CECR2: variants seen among roughly 807,000 people sequenced by gnomAD.
The protein encoded by CECR2 is chromatin remodeling regulator CECR2.
Under a neutral mutation model 154.5 loss-of-function variants are expected in CECR2, and 30 were observed. The observed-to-expected ratio is 0.19, with a 90% CI of 0.15 to 0.26. The LOEUF (loss-of-function observed/expected upper bound fraction) is 0.26. CECR2 is among the 10% of genes least tolerant of loss of function. CECR2 has a pLI of 1.00. For synonymous variants in CECR2, 725 were observed against 683.7 expected (o/e 1.06, Z -0.94); for missense variants, 1,743 against 1,829.3 (o/e 0.95, Z 0.86).
chr22:17,453,782 C>T (rs909676301), intron 1 of CECR2, among the ~76,000 whole-genome samples: 4 of 152,140 alleles, frequency 2.6e-5, no homozygotes, highest in Admixed American at 6.5e-5. Context: ...GAGTGAAGGT[C>T]ATGTAAGAGT....
chr22:17,376,664 A>C (rs979954689), intron 1 of CECR2, among the ~76,000 whole-genome samples: 13 of 140,692 alleles, frequency 9.2e-5, no homozygotes, highest in South Asian at 2.2e-4. Context: ...TTTGAGATGG[A>C]GTCTTGCTTT....
At chr22:17,463,771 A>C (rs2054981794) in intron 1 of CECR2, among the ~76,000 whole-genome samples, 1 of 152,102 alleles carries the variant, frequency 6.6e-6, no homozygotes, top group African/African-American at 2.4e-5. Flanking sequence ...AATGAGAGCC[A>C]GCCTAATCGA....
At chr22:17,371,174 T>C (rs1047857739) in intron 1 of CECR2, among the ~76,000 whole-genome samples, 3 of 152,166 alleles carry the variant, frequency 2.0e-5, no homozygotes, top group African/African-American at 7.2e-5. Flanking sequence ...CTTCTGTGAA[T>C]GAAGTGTGGG....
intron 1 of CECR2, among the ~76,000 whole-genome samples, chr22:17,418,042 A>G (rs2054181362): frequency 6.6e-6 from 1 of 152,240 alleles, no homozygotes; most frequent in Non-Finnish European, 1.5e-5. Flanking sequence ...AATTAATTAC[A>G]CAGATTGTAA....
intron 1 of CECR2, chr22:17,477,028 C>T (rs368565844): frequency 2.2e-5 from 15 of 689,418 alleles, no homozygotes; most frequent in African/African-American, 8.8e-5. Flanking sequence ...CCTTGGATCT[C>T]GCAATCACCT....
At chr22:17,413,052 C>T (rs1255597079) in intron 1 of CECR2, among the ~76,000 whole-genome samples, 1 of 152,132 alleles carries the variant, frequency 6.6e-6, no homozygotes, top group Non-Finnish European at 1.5e-5. Flanking sequence ...TCTCTTGGGG[C>T]GCACATGCCT....
At chr22:17,512,865 G>A (rs2055984679) in intron 8 of CECR2, among the ~76,000 whole-genome samples, 1 of 152,112 alleles carries the variant, frequency 6.6e-6, no homozygotes, top group Non-Finnish European at 1.5e-5. Context: ...AAATTCTTAG[G>A]TGTCAAGACC....
At chr22:17,395,438 G>A (rs1013254051) in intron 1 of CECR2, among the ~76,000 whole-genome samples, 3 of 151,930 alleles carry the variant, frequency 2.0e-5, no homozygotes, top group African/African-American at 7.3e-5. Flanking sequence ...TCCACCTCTT[G>A]AGTTCAAGTG....
intron 1 of CECR2, among the ~76,000 whole-genome samples, chr22:17,393,978 C>T (rs2053768827): frequency 6.7e-6 from 1 of 150,354 alleles, no homozygotes; most frequent in Non-Finnish European, 1.5e-5. Context: ...ACCTCTGCCT[C>T]CCGGGTTCAA....
At chr22:17,456,856 A>AT (rs1444597059) in intron 1 of CECR2, among the ~76,000 whole-genome samples, 1 of 152,220 alleles carries the variant, frequency 6.6e-6, no homozygotes, top group Non-Finnish European at 1.5e-5. Context: ...ACTCTTCTAC[A>AT]TCTGGGGCCT....
chr22:17,404,364 C>CCTTTTTTTTTTTT (rs781954770), intron 1 of CECR2, among the ~76,000 whole-genome samples: 7 of 59,626 alleles, frequency 1.2e-4, no homozygotes, highest in African/African-American at 4.5e-4. Context: ...GGACCCTGTT[C>CCTTTTTTTTTTTT]TTTCTTTTTT....
chr22:17,507,693 G>A (rs1299530600), intron 7 of CECR2, among the ~76,000 whole-genome samples: 2 of 152,056 alleles, frequency 1.3e-5, no homozygotes, highest in Admixed American at 6.6e-5. Flanking sequence ...TTCAAATAAG[G>A]TAACCCTTAA....
chr22:17,397,116 A>G (rs1470558964), intron 1 of CECR2, among the ~76,000 whole-genome samples: 1 of 150,736 alleles, frequency 6.6e-6, no homozygotes, highest in African/African-American at 2.5e-5. Context: ...CCTCCTAAAG[A>G]GCTTTTTTTT....
intron 1 of CECR2, among the ~76,000 whole-genome samples, chr22:17,378,773 T>C (rs977943509): frequency 6.6e-6 from 1 of 152,234 alleles, no homozygotes; most frequent in Non-Finnish European, 1.5e-5. Flanking sequence ...TTGGTCATTG[T>C]ATAGAAGGTA....
At chr22:17,462,277 G>A (rs899859889) in intron 1 of CECR2, among the ~76,000 whole-genome samples, 1 of 151,696 alleles carries the variant, frequency 6.6e-6, no homozygotes. Flanking sequence ...GGTGGCGGGC[G>A]CCTGTAGTCC....
chr22:17,434,868 G>A (rs1283977178), intron 1 of CECR2, among the ~76,000 whole-genome samples: 1 of 152,076 alleles, frequency 6.6e-6, no homozygotes, highest in Non-Finnish European at 1.5e-5. Flanking sequence ...CAAGTCAAGG[G>A]GGACTTGAGA....
chr22:17,405,916 C>T (rs1028952752), intron 1 of CECR2, among the ~76,000 whole-genome samples: 1 of 152,180 alleles, frequency 6.6e-6, no homozygotes, highest in African/African-American at 2.4e-5. Context: ...AGTAGACATC[C>T]TGGTCTTGTT....
chr22:17,375,691 C>T (rs918991456), intron 1 of CECR2, among the ~76,000 whole-genome samples: 1 of 152,034 alleles, frequency 6.6e-6, no homozygotes, highest in African/African-American at 2.4e-5. Context: ...GCTGGTGGCT[C>T]ACGCCTGTAA....
chr22:17,396,259 A>C (rs2053808928), intron 1 of CECR2, among the ~76,000 whole-genome samples: 1 of 132,864 alleles, frequency 7.5e-6, no homozygotes, highest in African/African-American at 2.9e-5. Context: ...AAAAAAAAAA[A>C]CAAGGCCAGG....
Sources: allele counts gnomAD v4.1 joint callset (sites outside exome capture counted in the v4.1 genomes callset), GRCh38; gene constraint gnomAD v4.1.1; transcripts MANE v1.5; gene names NCBI Gene and HGNC (gene_info 2026-07-23, HGNC 2026-07-21).